The following NVL variants were observed in gnomAD, a reference collection of about 807,000 sequenced individuals.
NVL encodes the protein nuclear VCP like.
NVL carries 84 observed loss-of-function variants against 110.2 expected under a neutral mutation model. The ratio of observed to expected loss-of-function variants is 0.76; its 90% CI spans 0.64 to 0.91. The LOEUF is 0.91. NVL is among the 40% of genes least tolerant of loss of function. The pLI, the probability that NVL is intolerant of heterozygous loss-of-function variation, is 0.00. For missense variants in NVL, 882 were observed against 1,035.9 expected, an observed-to-expected ratio of 0.85 and a Z score of 2.04; for synonymous variants, 354 against 361.1, an observed-to-expected ratio of 0.98 and a Z score of 0.22.
chr1:224,326,669 C>T (rs539822730), intron 1 of NVL, among the ~76,000 whole-genome samples: 2 of 152,160 alleles, frequency 1.3e-5, no homozygotes, highest in African/African-American at 2.4e-5. Context: ...CACTATAATA[C>T]AATACTAATA....
intron 17 of NVL, chr1:224,269,747 CTTTT>C (rs1011066172): frequency 6.7e-6 from 1 of 148,720 alleles, no homozygotes; most frequent in African/African-American, 2.5e-5. Context: ...TTCTTTCTTT[CTTTT>C]TTCTTTTTTT....
chr1:224,296,608 G>T lies in NVL; in HGVS notation c.1073C>A (p.Pro358Gln). Residue 358 changes from proline to glutamine, a missense_variant, in exon 11 of 23, where the codon CCA becomes CAA. By Grantham distance (76) the Pro-to-Gln change is moderately conservative. Around this residue, in one of 4 missense-constraint regions of NVL, gnomAD observed 416 missense variants for 499.3 expected, o/e 0.83. Transcript: ENST00000281701. The part of the protein sequence containing the change: ...ELFEQAVSNA[P>Q]CIIFIDEIDA... ...AATTTCATCAATGAAAATGATACAT[G>T]GTGCATTTGACTAGAAATAAAAATA... The T allele has an allele frequency of 6.3e-7, 1 of 1,576,950 alleles. No homozygotes were observed. Among genetic ancestry groups the T allele is most frequent in the African/African-American group, 1.4e-5 (1 of 73,296 alleles).
chr1:224,327,132 C>T (rs1041904007), intron 1 of NVL, among the ~76,000 whole-genome samples: 1 of 152,104 alleles, frequency 6.6e-6, no homozygotes, highest in South Asian at 2.1e-4. Flanking sequence ...CAGAACGAGA[C>T]CTTATCTCAA....
chr1:224,265,144 G>A (rs1185147020), intron 18 of NVL, among the ~76,000 whole-genome samples: 1 of 151,916 alleles, frequency 6.6e-6, no homozygotes, highest in Admixed American at 6.6e-5. Context: ...ACACACATAG[G>A]GAAAAAACAA....
chr1:224,327,533 A>G (rs1176357845), intron 1 of NVL, among the ~76,000 whole-genome samples: 3 of 152,112 alleles, frequency 2.0e-5, no homozygotes, highest in Non-Finnish European at 4.4e-5. Context: ...CTATGTGTGT[A>G]AGGTGTATAT....
In NVL at chr1:224,242,487, C is replaced by CTTT. The variant is rs11385074; in HGVS notation, c.2290-5908_2290-5906dup. On this transcript the variant is annotated intron_variant, in intron 19 of 22. Coordinates refer to ENST00000281701, the MANE Select transcript of NVL (RefSeq NM_002533.4). The stretch of plus-strand genomic sequence containing the variant: ...TTTCATTTGGTCATACAAATCTATT[C>CTTT]TTTTTTTTTTTTTTTTTTGAGACGG... Among the ~76,000 whole-genome samples the CTTT allele has an allele frequency of 9.0e-4, 116 of 128,308 alleles. 2 individuals carry two copies. Among genetic ancestry groups the CTTT allele is most frequent in the African/African-American group, 1.8e-3 (59 of 33,292 alleles). 84.2% of individuals were successfully genotyped at this position (128,308 alleles called of 152,430 possible). A position where few individuals can be genotyped will look rare whatever the true frequency, so the allele number is the denominator to read the frequency against.
At chr1:224,291,021 A>G (rs1352402214) in intron 12 of NVL, among the ~76,000 whole-genome samples, 2 of 152,194 alleles carry the variant, frequency 1.3e-5, no homozygotes, top group Non-Finnish European at 2.9e-5. Flanking sequence ...CCAAACTGCA[A>G]GAGTCTGAAT....
At chr1:224,277,804 TC>T (rs1169342706) in intron 16 of NVL, among the ~76,000 whole-genome samples, 1 of 152,174 alleles carries the variant, frequency 6.6e-6, no homozygotes, top group Admixed American at 6.5e-5. Context: ...AAATCCCAAG[TC>T]CCACTCTCAC....
chr1:224,272,173 TAA>T (rs547605639), intron 17 of NVL, among the ~76,000 whole-genome samples: 11 of 135,098 alleles, frequency 8.1e-5, no homozygotes, highest in African/African-American at 8.2e-5. Flanking sequence ...CTGTCTCTAC[TAA>T]AAAAAAAAAA....
rs565737223 is a variant in NVL, at chr1:224,318,898, A to G, written c.132-968T>C. ...CAGCTACTGGGGAGCCTGAGGCAAC[A>G]GAATGGCGTGAACCCAGGAGGCAGA... On this transcript the variant is annotated intron_variant, in intron 2 of 22. Transcript: ENST00000281701. Among the ~76,000 whole-genome samples the G allele has an allele frequency of 2.6e-5, 4 of 151,934 alleles. No individual in the cohort carries two copies. In the South Asian group the frequency reaches 8.3e-4, roughly 32 times the overall value.
At chr1:224,281,379 C>A (rs897784176) in intron 15 of NVL, among the ~76,000 whole-genome samples, 194 bp from the exon 16 acceptor site, 3 of 151,634 alleles carry the variant, frequency 2.0e-5, no homozygotes, top group Non-Finnish European at 1.5e-5. Context: ...CGGCTCACTG[C>A]AAACTCTGCC....
At chr1:224,290,159 C>T (rs1041462375) in intron 12 of NVL, among the ~76,000 whole-genome samples, 2 of 152,116 alleles carry the variant, frequency 1.3e-5, no homozygotes, top group African/African-American at 4.8e-5. Context: ...ATATACTTCC[C>T]ATTTCATATT....
chr1:224,234,682 CTGGGG>C (rs1371233722), intron 20 of NVL, among the ~76,000 whole-genome samples: 1 of 152,052 alleles, frequency 6.6e-6, no homozygotes, highest in African/African-American at 2.4e-5. Flanking sequence ...CACATACCTG[CTGGGG>C]TATTCATTCC....
intron 18 of NVL, among the ~76,000 whole-genome samples, chr1:224,253,522 C>G (rs1002196601): frequency 2.0e-5 from 3 of 150,940 alleles, no homozygotes; most frequent in African/African-American, 7.3e-5. Context: ...ATCACAAGGT[C>G]AAGAGATTGA....
chr1:224,240,097 A>C (rs1409875467), intron 19 of NVL, among the ~76,000 whole-genome samples: 2 of 106,268 alleles, frequency 1.9e-5, no homozygotes, highest in East Asian at 2.6e-4. Flanking sequence ...ACGGAGTCTC[A>C]CTGTCACAGG....
chr1:224,274,059 C>CACACACACACACACACA (rs56312516), intron 17 of NVL, among the ~76,000 whole-genome samples: 2 of 133,100 alleles, frequency 1.5e-5, no homozygotes, highest in Non-Finnish European at 3.3e-5. Context: ...CACACACACA[C>CACACACACACACACACA]CCATATTGAA....
chr1:224,279,839 C>T (rs1389790474), intron 16 of NVL, among the ~76,000 whole-genome samples: 1 of 152,006 alleles, frequency 6.6e-6, no homozygotes, highest in East Asian at 1.9e-4. Context: ...AAACCTCATA[C>T]TTGAAAAAAA....
intron 20 of NVL, among the ~76,000 whole-genome samples, chr1:224,235,794 A>AT (rs1377992447): frequency 6.6e-6 from 1 of 151,966 alleles, no homozygotes; most frequent in African/African-American, 2.4e-5. Flanking sequence ...TTAGCTGGGG[A>AT]TGGTAGCATG....
chr1:224,307,618 G>A (rs917581517), intron 6 of NVL, among the ~76,000 whole-genome samples: 2 of 149,300 alleles, frequency 1.3e-5, no homozygotes, highest in Non-Finnish European at 3.0e-5. Flanking sequence ...GGGATGGCTT[G>A]AGCCTGGAAG....
Sources: allele counts gnomAD v4.1 joint callset (sites outside exome capture counted in the v4.1 genomes callset), GRCh38; gene constraint gnomAD v4.1.1; regional missense constraint gnomAD v4.1.1; transcripts MANE v1.5; gene names NCBI Gene and HGNC (gene_info 2026-07-23, HGNC 2026-07-21).